The following MNT variants were observed in gnomAD, a reference collection of about 807,000 sequenced individuals.
MNT encodes max-binding protein MNT.
A neutral mutation model predicts 40.7 loss-of-function variants in MNT; 13 were observed. The ratio of observed to expected loss-of-function variants is 0.32; its 90% confidence interval spans 0.21 to 0.51. The LOEUF (loss-of-function observed/expected upper bound fraction) is 0.51. MNT is among the 20% of genes least tolerant of loss of function. The pLI, the probability that MNT is intolerant of heterozygous loss-of-function variation, is 0.98. For missense variants in MNT, 757 were observed against 792.0 expected, an observed-to-expected ratio of 0.96 and a Z score of 0.53; for synonymous variants, 426 against 354.8, an observed-to-expected ratio of 1.20 and a Z score of -2.26.
rs943192796 is a variant in MNT, at chr17:2,394,436, G to A, written c.654-90C>T. The A allele has an allele frequency of 2.2e-4, 351 of 1,582,012 alleles. 1 individual carries two copies. The highest frequency in any genetic ancestry group is 2.6e-4 in the Non-Finnish European group (296 of 1,159,324). On this transcript the variant is annotated intron_variant, in intron 2 of 5. Coordinates refer to ENST00000174618, the MANE Select transcript of MNT (RefSeq NM_020310.3). ...GCCGCCACCCGCAAAATTGCCACAGGCTGTTTGTCCCCAACACTGTCTTAA... is the reference window on the plus strand; with the variant it reads ...GCCGCCACCCGCAAAATTGCCACAGACTGTTTGTCCCCAACACTGTCTTAA...
chr17:2,390,516 G>GCT (rs1156458085), intron 4 of MNT: 1 of 152,228 alleles, frequency 6.6e-6, no homozygotes, highest in Non-Finnish European at 1.5e-5. Context: ...GGTTTTGTGT[G>GCT]CTCCTTAGGA....
At position 2,394,039 on chromosome 17, in the gene MNT, A is replaced by T. The variant is rs761993579; in HGVS notation, c.807+4T>A. 5.0e-6 allele frequency: 8 copies of T among 1,585,130 alleles called. No individual in the cohort carries two copies. The highest frequency in any genetic ancestry group is 2.4e-5 in the East Asian group (1 of 41,784). ...TGCGCGACGCCGGCCTCCGGGCCCC[A>T]TACCTGGATGTACCGCAGCGCCGTC... On this transcript the variant is annotated splice_donor_region_variant and intron_variant, in intron 4 of 5. Coordinates refer to ENST00000174618, the MANE Select transcript of MNT (RefSeq NM_020310.3).
chr17:2,395,435 G>A lies in MNT; in HGVS notation c.93C>T (p.Arg31=). ...GTTCCTGCTCTCGCTCCTGCTCCAA[G>A]CGAAGCCGCTCCTGCTCCTCTACAC... The part of the protein sequence containing the change: ...QRAREEQERL[R]LEQEREQEQK... Residue 31 remains arginine (R), a synonymous_variant, in exon 2 of 6, where the codon CGC becomes CGT. Coordinates refer to ENST00000174618, the MANE Select transcript of MNT (RefSeq NM_020310.3). 1.9e-6 allele frequency: 3 copies of A among 1,612,650 alleles called. No individual in the cohort carries two copies. Among genetic ancestry groups the A allele is most frequent in the Non-Finnish European group, 2.5e-6 (3 of 1,179,620 alleles).
At chr17:2,394,255 G>C in intron 3 of MNT, 50 bp downstream of exon 3, 4 of 1,572,726 alleles carry the variant, frequency 2.5e-6, no homozygotes, top group Middle Eastern at 2.0e-4. Context: ...CCGGGGCCCG[G>C]GTCGCGCGCG....
At chr17:2,394,394 C>T (rs373597375) in intron 2 of MNT, 48 bp from the exon 3 acceptor site, 5 of 1,611,732 alleles carry the variant, frequency 3.1e-6, no homozygotes, top group East Asian at 4.5e-5. Flanking sequence ...CTCGATTAGA[C>T]GGCCTTCCTG....
Position 2,395,140 on chromosome 17 carries a change from T to C in MNT, c.388A>G (p.Ser130Gly). 6.9e-7 allele frequency: 1 copy of C among 1,450,434 alleles called. No individual in the cohort carries two copies. Among genetic ancestry groups the C allele is most frequent in the African/African-American group, 1.6e-5 (1 of 64,154 alleles). The allele number at this position is 1,450,434 out of a possible 1,614,324, so 89.8% of individuals were successfully genotyped here. A position where few individuals can be genotyped will look rare whatever the true frequency, so the allele number is the denominator to read the frequency against. ...QPALVGAPGLSIKEPAPLPSR... is the reference protein window; with the variant it reads ...QPALVGAPGLGIKEPAPLPSR... ...GGCAGGGGGGCAGGCTCCTTAATGC[T>C]GAGTCCGGGGGCGCCAACCAGGGCC... The change falls in exon 2 of 6, where the codon AGC becomes GGC. Residue 130 changes from serine to glycine, a missense_variant. By Grantham distance (56) the Ser-to-Gly change is moderately conservative (BLOSUM62 0). Around this residue, in one of 4 missense-constraint regions of MNT, gnomAD observed 335 missense variants for 291.4 expected, o/e 1.15. Coordinates refer to ENST00000174618, the MANE Select transcript of MNT (RefSeq NM_020310.3).
chr17:2,388,114 C>A, intron 4 of MNT, 65 bp from the exon 5 acceptor site: 4 of 1,438,686 alleles, frequency 2.8e-6, no homozygotes, highest in Non-Finnish European at 2.8e-6. Flanking sequence ...AAAGCCCCCA[C>A]AAACCTCTCC....
At chr17:2,393,085 C>T (rs1567867685) in intron 4 of MNT, among the ~76,000 whole-genome samples, 1 of 152,036 alleles carries the variant, frequency 6.6e-6, no homozygotes, top group African/African-American at 2.4e-5. Context: ...TGACGCCGCG[C>T]CGCCCCCGGA....
intron 2 of MNT, 35 bp from the exon 3 acceptor site, chr17:2,394,381 G>A (rs1567868788): frequency 2.5e-6 from 4 of 1,612,998 alleles, no homozygotes; most frequent in Non-Finnish European, 3.4e-6. Flanking sequence ...TCAGGGAGGA[G>A]GACTCGATTA....
At chr17:2,388,272 C>T (rs1227423953) in intron 4 of MNT, 2 of 526,116 alleles carry the variant, frequency 3.8e-6, no homozygotes, top group East Asian at 6.5e-5. Flanking sequence ...ACAGGCACCA[C>T]TGAAGCAAGC....
At chr17:2,389,083 AC>A (rs1485392246) in intron 4 of MNT, among the ~76,000 whole-genome samples, 1 of 142,054 alleles carries the variant, frequency 7.0e-6, no homozygotes, top group Admixed American at 7.0e-5. Flanking sequence ...TCCTCCCTTT[AC>A]CCCCTAGATC....
chr17:2,399,020 C>T (rs975948791), intron 1 of MNT, among the ~76,000 whole-genome samples: 2 of 151,620 alleles, frequency 1.3e-5, no homozygotes, highest in African/African-American at 4.8e-5. Flanking sequence ...CCCCCACCCC[C>T]GCCCGCCGCG....
At chr17:2,397,805 G>T (rs759549272) in intron 1 of MNT, among the ~76,000 whole-genome samples, 6 of 152,166 alleles carry the variant, frequency 3.9e-5, no homozygotes, top group Non-Finnish European at 7.4e-5. Flanking sequence ...GTGGTGGCTG[G>T]TGCTCCCTCA....
intron 1 of MNT, chr17:2,396,515 A>C (rs917962206): frequency 6.6e-6 from 1 of 152,324 alleles, no homozygotes; most frequent in Non-Finnish European, 1.5e-5. Context: ...TCTCCCAAAC[A>C]AGAAGGGGCT....
chr17:2,391,619 T>G (rs1045334869), intron 4 of MNT: 3 of 152,260 alleles, frequency 2.0e-5, no homozygotes, highest in African/African-American at 7.2e-5. Flanking sequence ...CACTTTACTG[T>G]GGCTGTCTTC....
chr17:2,393,944 A>G, intron 4 of MNT, 99 bp downstream of exon 4: 1 of 708,738 alleles, frequency 1.4e-6, no homozygotes, highest in Non-Finnish European at 2.0e-6. Flanking sequence ...GGCGCGGGGG[A>G]GCCGCCGGGG....
chr17:2,390,098 C>A (rs1285629748), intron 4 of MNT: 1 of 152,288 alleles, frequency 6.6e-6, no homozygotes, highest in African/African-American at 2.4e-5. Flanking sequence ...CACACACTGT[C>A]CCTGTCCGAG....
Position 2,387,525 on chromosome 17 carries a change from A to G in MNT, c.1125T>C (p.Pro375=), listed in dbSNP as rs766593456. 2 of 1,611,768 alleles carry G rather than the reference A, an allele frequency of 1.2e-6. No homozygotes were observed. The highest frequency in any genetic ancestry group is 2.2e-5 in the South Asian group (2 of 90,976). Residue 375 remains proline (P), a synonymous_variant, in exon 6 of 6, where the codon CCT becomes CCC. Transcript: ENST00000174618. The part of the protein sequence containing the change: ...KSTLPPPSTT[P]APLPPHPHPH... ...GGTGTGGGTGTGGAGGCAGAGGCGC[A>G]GGGGTGGTGCTGGGGGGTGGCAGGG...
chr17:2,397,225 G>A (rs537642941), intron 1 of MNT, among the ~76,000 whole-genome samples: 2 of 152,288 alleles, frequency 1.3e-5, no homozygotes, highest in Admixed American at 1.3e-4. Flanking sequence ...GGTTACGCCC[G>A]GGAGAAAACC....
Sources: gnomAD v4.1 joint callset for allele counts (sites outside exome capture counted in the v4.1 genomes callset) on GRCh38, gnomAD v4.1.1 for gene constraint, gnomAD v4.1.1 regional missense constraint, MANE v1.5 for transcripts, NCBI Gene and HGNC (gene_info 2026-07-23, HGNC 2026-07-21) for gene names.